The following ACAD9 variants were observed in gnomAD, a reference collection of about 807,000 sequenced individuals.
ACAD9 encodes the protein acyl-CoA dehydrogenase family member 9.
ACAD9 carries 53 observed loss-of-function variants against 70.2 expected under a neutral mutation model. The observed-to-expected ratio is 0.75, with a 90% CI of 0.61 to 0.95. ACAD9 has a LOEUF of 0.95. Among genes scored for constraint, ACAD9 ranks in the 40% least tolerant of loss-of-function variants. ACAD9 has a pLI of 0.00. For missense variants in ACAD9, 777 were observed against 802.8 expected (o/e 0.97, Z 0.39); for synonymous variants, 313 against 312.1 (o/e 1.00, Z -0.03).
intron 1 of ACAD9, among the ~76,000 whole-genome samples, chr3:128,881,897 C>T (rs968665502): frequency 2.0e-5 from 3 of 151,594 alleles, no homozygotes; most frequent in Non-Finnish European, 3.0e-5. Context: ...GGCTGGGTCT[C>T]GTTTCATCTA....
intron 2 of ACAD9, among the ~76,000 whole-genome samples, chr3:128,888,248 T>G (rs1935311503): frequency 6.6e-6 from 1 of 152,188 alleles, no homozygotes; most frequent in South Asian, 2.1e-4. Context: ...CACTGTACAG[T>G]CTTCAGAGAA....
At chr3:128,883,154 T>A (rs535441815) in intron 1 of ACAD9, among the ~76,000 whole-genome samples, 1 of 149,188 alleles carries the variant, frequency 6.7e-6, no homozygotes, top group Non-Finnish European at 1.5e-5. Context: ...AGTGGTGCAA[T>A]CACAGCTCAC....
At chr3:128,882,338 C>A (rs562441845) in intron 1 of ACAD9, among the ~76,000 whole-genome samples, 1 of 152,216 alleles carries the variant, frequency 6.6e-6, no homozygotes, top group Admixed American at 6.5e-5. Context: ...CTCTGTTGTT[C>A]CACCTGTTCA....
intron 2 of ACAD9, among the ~76,000 whole-genome samples, chr3:128,887,182 G>A (rs1187259821): frequency 6.6e-6 from 1 of 152,080 alleles, no homozygotes; most frequent in Admixed American, 6.6e-5. Context: ...GTAATCCAAA[G>A]TGCTGGGATT....
Position 128,904,631 on chromosome 3 carries a change from G to A in ACAD9, c.1149+126G>A, listed in dbSNP as rs1576344820. The A allele has an allele frequency of 2.0e-6, 3 of 1,465,288 alleles. No individual in the cohort carries two copies. The East Asian group carries it at 7.4e-5, about 36-fold the overall frequency. 90.8% of individuals were successfully genotyped at this position (1,465,288 alleles called of 1,614,324 possible). On this transcript the variant is annotated intron_variant, in intron 11 of 17. Coordinates refer to ENST00000308982, the MANE Select transcript of ACAD9 (RefSeq NM_014049.5). ...CTGTCATTGATCCAGTATTTATGAT[G>A]CACTTGCCCTGTGTAGCACTCCAGG...
rs778831368 is a variant in ACAD9, at chr3:128,899,346, C to A, written c.693C>A (p.Val231=). 6.2e-7 allele frequency: 1 copy of A among 1,614,186 alleles called. No homozygotes were observed. The change falls in exon 7 of 18, where the codon GTC becomes GTA. Residue 231 remains valine (V), a synonymous_variant. Transcript: ENST00000308982. Reference sequence around the variant, plus strand: ...TTACTGTGTTTGCAAAGACTGAGGTCGTTGATTCTGATGGATCAGTGAAAG... The same window carrying A: ...TTACTGTGTTTGCAAAGACTGAGGTAGTTGATTCTGATGGATCAGTGAAAG... ...NIFTVFAKTE[V]VDSDGSVKDK... is the part of the protein sequence containing the mutation.
chr3:128,890,498 C>T (rs1008707145), intron 2 of ACAD9, among the ~76,000 whole-genome samples: 34 of 152,078 alleles, frequency 2.2e-4, no homozygotes, highest in Non-Finnish European at 3.4e-4. Context: ...GTCAGGAGAT[C>T]GACACCATCC....
rs1553731310 is a variant in ACAD9 at position 128,901,266 on chromosome 3, T to C, written c.809-10T>C. On this transcript the variant is annotated splice_polypyrimidine_tract_variant and intron_variant, in intron 7 of 17. Coordinates refer to ENST00000308982, the MANE Select transcript of ACAD9 (RefSeq NM_014049.5). ...TTGTCAGATGATATCTTAAATTTCA[T>C]GTGTTTCAGCTTGTGAAGTCCATTT... 2 of 1,613,780 alleles carry C rather than the reference T, an allele frequency of 1.2e-6. No individual in the cohort carries two copies. The highest frequency in any genetic ancestry group is 2.2e-5 in the East Asian group (1 of 44,882).
At chr3:128,883,092 G>GT (rs1188672190) in intron 1 of ACAD9, among the ~76,000 whole-genome samples, 6,894 of 135,444 alleles carry the variant, frequency 0.051, 349 homozygotes, top group African/African-American at 0.13. Flanking sequence ...TTTTTTTCTT[G>GT]TTTTTTTTTT....
chr3:128,900,480 C>T (rs986511225), intron 7 of ACAD9, among the ~76,000 whole-genome samples: 40 of 151,750 alleles, frequency 2.6e-4, no homozygotes, highest in Non-Finnish European at 3.8e-4. Context: ...CCTCGTGATC[C>T]GCTCACCTCG....
intron 1 of ACAD9, chr3:128,880,244 G>C (rs894882455): frequency 2.2e-5 from 8 of 358,208 alleles, no homozygotes; most frequent in Admixed American, 1.2e-4. Context: ...TCCTTCCCCA[G>C]GTGAGCCCAG....
chr3:128,911,400 G>A (rs980379935), intron 17 of ACAD9, among the ~76,000 whole-genome samples: 5 of 152,024 alleles, frequency 3.3e-5, no homozygotes, highest in Admixed American at 2.0e-4. Flanking sequence ...AGCCCTTTGC[G>A]CAGGACCCCT....
intron 1 of ACAD9, among the ~76,000 whole-genome samples, chr3:128,883,304 A>G (rs992896697): frequency 6.6e-6 from 1 of 151,548 alleles, no homozygotes; most frequent in South Asian, 2.1e-4. Context: ...CAGCTTCCCA[A>G]AGGACTAGGA....
At chr3:128,897,055 A>C (rs561300035) in intron 5 of ACAD9, among the ~76,000 whole-genome samples, 194 of 152,364 alleles carry the variant, frequency 1.3e-3, no homozygotes, top group African/African-American at 3.9e-3. Context: ...ACAGGACCTC[A>C]GATGAGCCCA....
At chr3:128,898,856 C>T (rs1465029058) in intron 6 of ACAD9, among the ~76,000 whole-genome samples, 1 of 152,164 alleles carries the variant, frequency 6.6e-6, no homozygotes, top group Non-Finnish European at 1.5e-5. Context: ...GTTTCCTTTC[C>T]TCCTCCTCAC....
chr3:128,900,524 C>CTTT (rs1168732085), intron 7 of ACAD9, among the ~76,000 whole-genome samples: 5 of 140,412 alleles, frequency 3.6e-5, no homozygotes, highest in African/African-American at 1.0e-4. Context: ...CGCACCCGGC[C>CTTT]TTTTTTTTTT....
chr3:128,900,963 T>C (rs2107655259), intron 7 of ACAD9, among the ~76,000 whole-genome samples: 1 of 152,304 alleles, frequency 6.6e-6, no homozygotes, highest in Non-Finnish European at 1.5e-5. Flanking sequence ...AATGTCACCT[T>C]AGAAAAGTCT....
intron 3 of ACAD9, 141 bp downstream of exon 3, chr3:128,893,797 G>A (rs768062325): frequency 1.1e-5 from 8 of 732,228 alleles, no homozygotes; most frequent in Non-Finnish European, 1.7e-5. Flanking sequence ...TGAAGGACCT[G>A]TAGGGAGGAA....
At chr3:128,894,091 G>A (rs1366562746) in intron 3 of ACAD9, among the ~76,000 whole-genome samples, 1 of 152,148 alleles carries the variant, frequency 6.6e-6, no homozygotes. Flanking sequence ...GAGGTTAAAG[G>A]GACAGGCAAG....
Sources: allele counts gnomAD v4.1 joint callset (sites outside exome capture counted in the v4.1 genomes callset), GRCh38; gene constraint gnomAD v4.1.1; transcripts MANE v1.5; gene names NCBI Gene and HGNC (gene_info 2026-07-23, HGNC 2026-07-21).